Variants in INSR observed in about 807,000 individuals in gnomAD.
INSR encodes insulin receptor.
A neutral mutation model predicts 142.6 loss-of-function variants in INSR; 67 were observed. That is an observed-to-expected ratio of 0.47 (90% CI 0.39 to 0.58). The LOEUF (loss-of-function observed/expected upper bound fraction) is 0.58, where lower values mean the gene tolerates loss of function less well. Ranked by LOEUF, INSR falls within the 20% of genes least tolerant of loss-of-function variation. The pLI, the probability that INSR is intolerant of heterozygous loss-of-function variation, is 0.00. For missense variants in INSR, 1,248 were observed against 1,833.2 expected, an observed-to-expected ratio of 0.68 and a Z score of 5.83; for synonymous variants, 756 against 743.1, an observed-to-expected ratio of 1.02 and a Z score of -0.28.
At chr19:7,226,572 A>G (rs1282178743) in intron 2 of INSR, among the ~76,000 whole-genome samples, 2 of 151,880 alleles carry the variant, frequency 1.3e-5, no homozygotes, top group Non-Finnish European at 2.9e-5. Context: ...CAAAAAATAT[A>G]TAAAAATTAG....
intron 2 of INSR, among the ~76,000 whole-genome samples, chr19:7,208,873 C>T (rs984958365): frequency 6.6e-6 from 1 of 152,072 alleles, no homozygotes; most frequent in East Asian, 1.9e-4. Flanking sequence ...CATGGTGGCG[C>T]GTGCCTGTAA....
At chr19:7,129,465 C>T (rs993443989) in intron 14 of INSR, among the ~76,000 whole-genome samples, 1 of 152,120 alleles carries the variant, frequency 6.6e-6, no homozygotes. Flanking sequence ...GCTGGGACTA[C>T]AGGCATGCAC....
chr19:7,208,527 C>A (rs11668986), intron 2 of INSR, among the ~76,000 whole-genome samples: 29,612 of 152,070 alleles, frequency 0.19, 3,007 homozygotes, highest in Non-Finnish European at 0.22. Flanking sequence ...CCACACAAAC[C>A]GTCATAACCT....
intron 11 of INSR, among the ~76,000 whole-genome samples, chr19:7,144,953 TTTTC>T (rs758687814): frequency 1.3e-5 from 2 of 151,996 alleles, no homozygotes; most frequent in African/African-American, 2.4e-5. Flanking sequence ...TAGTTTTTTT[TTTTC>T]TTTCTATGTT....
At chr19:7,146,389 G>A (rs1973189116) in intron 11 of INSR, among the ~76,000 whole-genome samples, 1 of 151,984 alleles carries the variant, frequency 6.6e-6, no homozygotes, top group Admixed American at 6.6e-5. Context: ...TTACAGGCGT[G>A]TGCCACCATG....
intron 9 of INSR, among the ~76,000 whole-genome samples, chr19:7,153,464 CACCA>C: frequency 4.7e-5 from 1 of 21,186 alleles, no homozygotes; most frequent in African/African-American, 6.7e-5. Context: ...CCACGCCACA[CACCA>C]CACACACACC....
intron 1 of INSR, among the ~76,000 whole-genome samples, chr19:7,281,721 A>C (rs1318885841): frequency 6.6e-6 from 1 of 152,130 alleles, no homozygotes. Flanking sequence ...CAATTTAAAA[A>C]AGCAGTTGCA....
intron 2 of INSR, among the ~76,000 whole-genome samples, chr19:7,263,897 C>T (rs891154732): frequency 1.2e-4 from 18 of 152,080 alleles, no homozygotes; most frequent in Admixed American, 9.8e-4. Context: ...TGGCCAGGCA[C>T]GGTGGCTCAC....
intron 13 of INSR, 139 bp from the exon 14 acceptor site, chr19:7,132,456 G>A (rs940777613): frequency 2.2e-6 from 2 of 893,022 alleles, no homozygotes; most frequent in Non-Finnish European, 3.6e-6. Flanking sequence ...AGACACATAA[G>A]CGACTTTGAG....
intron 1 of INSR, among the ~76,000 whole-genome samples, chr19:7,269,345 A>G (rs1235647816): frequency 2.0e-5 from 3 of 146,774 alleles, no homozygotes; most frequent in African/African-American, 7.6e-5. Flanking sequence ...ATCACATTCC[A>G]TGCAGCAAAT....
chr19:7,197,516 G>GGGTGTGTGTGTGT (rs1974790392), intron 2 of INSR, among the ~76,000 whole-genome samples: 4 of 70,924 alleles, frequency 5.6e-5, no homozygotes, highest in Admixed American at 1.5e-4. Context: ...TGGGAGTGGG[G>GGGTGTGTGTGTGT]GTGTGTGTGT....
chr19:7,264,109 C>T (rs1038498394), intron 2 of INSR, among the ~76,000 whole-genome samples: 11 of 150,072 alleles, frequency 7.3e-5, no homozygotes, highest in Admixed American at 6.7e-4. Flanking sequence ...GCAGAAATTG[C>T]GGTGAGCCAA....
intron 2 of INSR, among the ~76,000 whole-genome samples, chr19:7,218,214 A>G (rs1975495999): frequency 6.6e-6 from 1 of 151,936 alleles, no homozygotes; most frequent in Non-Finnish European, 1.5e-5. Flanking sequence ...TGTTGCAACC[A>G]GTGTGGGGTG....
At chr19:7,135,653 T>C (rs1235164145) in intron 13 of INSR, among the ~76,000 whole-genome samples, 1 of 151,258 alleles carries the variant, frequency 6.6e-6, no homozygotes, top group Non-Finnish European at 1.5e-5. Context: ...GCTTTGTTTA[T>C]GAAACTAGCA....
chr19:7,117,348 A>G lies in INSR; in HGVS notation c.3857T>C (p.Ile1286Thr). ...CAGGTCGTCCTTGAGCAGGTTGACA[A>G]TCTCCAGGAAGGTTGGCCTCATCTT... ...NPKMRPTFLE[I>T]VNLLKDDLHP... The change falls in exon 22 of 22, where the codon ATT (isoleucine) becomes ACT (threonine). Residue 1286 changes from isoleucine (I) to threonine (T), a missense_variant. Ile to Thr is a moderately conservative substitution (Grantham distance 89, BLOSUM62 -1). Around this residue, in one of 3 missense-constraint regions of INSR, gnomAD observed 1,069 missense variants for 1,654.0 expected, o/e 0.65. Transcript: ENST00000302850. The G allele has an allele frequency of 6.2e-7, 1 of 1,614,044 alleles. No homozygotes were observed. The highest frequency in any genetic ancestry group is 8.5e-7 in the Non-Finnish European group (1 of 1,179,998).
intron 2 of INSR, among the ~76,000 whole-genome samples, chr19:7,190,332 T>G (rs1238078719): frequency 6.6e-6 from 1 of 151,446 alleles, no homozygotes; most frequent in African/African-American, 2.4e-5. Flanking sequence ...CCCTCACTAA[T>G]GGGTTAAATA....
chr19:7,140,468 C>A (rs1258912272), intron 13 of INSR, among the ~76,000 whole-genome samples: 1 of 152,326 alleles, frequency 6.6e-6, no homozygotes, highest in East Asian at 1.9e-4. Flanking sequence ...AACATGTTTA[C>A]TATCCAGACC....
rs1293943671 is a variant in INSR, at chr19:7,267,328, C to T, written c.652+17G>A. On this transcript the variant is annotated intron_variant, in intron 2 of 21. Coordinates refer to ENST00000302850, the MANE Select transcript of INSR (RefSeq NM_000208.4). The surrounding 1 kb of genome is among the most constrained non-coding windows in gnomAD (Gnocchi z 6.3). The stretch of plus-strand genomic sequence containing the variant: ...AAGGCACGAGACACTGCTTAGAACC[C>T]TGTATCCCCGGCGTACCTTTCTGGC... 1.2e-6 allele frequency: 2 copies of T among 1,613,444 alleles called. No individual in the cohort carries two copies. The highest frequency in any genetic ancestry group is 1.7e-6 in the Non-Finnish European group (2 of 1,179,560).
intron 1 of INSR, among the ~76,000 whole-genome samples, chr19:7,284,749 C>T (rs1258132000): frequency 6.6e-6 from 1 of 152,058 alleles, no homozygotes; most frequent in East Asian, 1.9e-4. Flanking sequence ...AGGATGGTCT[C>T]GATCTCCTGA....
Sources: allele counts gnomAD v4.1 joint callset (sites outside exome capture counted in the v4.1 genomes callset), GRCh38; gene constraint gnomAD v4.1.1; regional missense constraint gnomAD v4.1.1; non-coding constraint Gnocchi (gnomAD v3.1); transcripts MANE v1.5; gene names NCBI Gene and HGNC (gene_info 2026-07-23, HGNC 2026-07-21).